Variants in TSTD2 observed in about 807,000 individuals in gnomAD.
The protein encoded by TSTD2 is thiosulfate sulfurtransferase/rhodanese-like domain-containing protein 2.
Under a neutral mutation model 47.9 loss-of-function variants are expected in TSTD2, and 37 were observed. The observed-to-expected ratio is 0.77, with a 90% CI of 0.59 to 1.02. The LOEUF is 1.02. Ranked by LOEUF, TSTD2 falls within the 50% of genes least tolerant of loss-of-function variation. TSTD2 has a pLI of 0.00. For synonymous variants in TSTD2, 201 were observed against 215.9 expected (o/e 0.93, Z 0.61); for missense variants, 586 against 616.0 (o/e 0.95, Z 0.52).
At chr9:97,625,382 G>A (rs1040554290) in intron 3 of TSTD2, among the ~76,000 whole-genome samples, 1 of 152,138 alleles carries the variant, frequency 6.6e-6, no homozygotes, top group South Asian at 2.1e-4. Flanking sequence ...AAACTGCTAT[G>A]AGCATTCTTG....
chr9:97,601,676 C>A lies in TSTD2; in HGVS notation c.*793G>T. ...CATAGTGTCTGTTGCAACTATTCAA[C>A]TCTGCCATAGATCATGTGTAAAGGA... On this transcript the variant is annotated 3_prime_UTR_variant, in exon 10 of 10. Coordinates refer to ENST00000341170, the MANE Select transcript of TSTD2 (RefSeq NM_139246.5). 1.5e-6 allele frequency: 1 copy of A among 655,952 alleles called. No individual in the cohort carries two copies. Among genetic ancestry groups the A allele is most frequent in the Non-Finnish European group, 1.9e-6 (1 of 528,380 alleles). The allele number at this position is 655,952 out of a possible 1,614,324, so 40.6% of individuals were successfully genotyped here. A position where few individuals can be genotyped will look rare whatever the true frequency, so the allele number is the denominator to read the frequency against.
chr9:97,621,415 C>T (rs967636997), intron 3 of TSTD2, among the ~76,000 whole-genome samples: 1 of 152,168 alleles, frequency 6.6e-6, no homozygotes, highest in African/African-American at 2.4e-5. Flanking sequence ...AACATGGTAA[C>T]AGCCATGTTC....
At chr9:97,627,281 G>C (rs753088972) in intron 2 of TSTD2, 117 bp downstream of exon 2, 180 of 1,435,206 alleles carry the variant, frequency 1.3e-4, no homozygotes, top group Non-Finnish European at 1.6e-4. Context: ...AACATCACTG[G>C]TTAATGTTCC....
At chr9:97,605,682 C>T (rs1371022430) in intron 7 of TSTD2, 41 bp from the exon 8 acceptor site, 1 of 1,613,242 alleles carries the variant, frequency 6.2e-7, no homozygotes, top group African/African-American at 1.3e-5. Flanking sequence ...ATCAGAAAAA[C>T]ATACCTGGTA....
Position 97,601,024 on chromosome 9 carries a change from G to A in TSTD2, c.*1445C>T, listed in dbSNP as rs1826245458. 7.7e-7 allele frequency: 1 copy of A among 1,297,412 alleles called. No homozygotes were observed. Among genetic ancestry groups the A allele is most frequent in the African/African-American group, 1.5e-5 (1 of 65,794 alleles). The allele number at this position is 1,297,412 out of a possible 1,614,324, so 80.4% of individuals were successfully genotyped here. ...GAGCAGAGAGGCTGGTGATGAAAAGGTGAAGGCCTGCGCACTGAACTGTAA... is the reference window on the plus strand; with the variant it reads ...GAGCAGAGAGGCTGGTGATGAAAAGATGAAGGCCTGCGCACTGAACTGTAA... On this transcript the variant is annotated 3_prime_UTR_variant, in exon 10 of 10. Coordinates refer to ENST00000341170, the MANE Select transcript of TSTD2 (RefSeq NM_139246.5).
intron 5 of TSTD2, 28 bp from the exon 6 acceptor site, chr9:97,610,479 C>G: frequency 6.7e-7 from 1 of 1,490,498 alleles, no homozygotes; most frequent in Non-Finnish European, 9.0e-7. Context: ...AAACAGAATA[C>G]AGTCTTGCTG....
At chr9:97,622,405 G>A (rs1401553343) in intron 3 of TSTD2, among the ~76,000 whole-genome samples, 1 of 152,236 alleles carries the variant, frequency 6.6e-6, no homozygotes, top group Non-Finnish European at 1.5e-5. Context: ...GGATGCCCAG[G>A]CAGAAGTTTG....
In TSTD2 at chr9:97,600,912, TTTTG is replaced by T; in HGVS notation, c.*1553_*1556del. 4 of 1,157,376 alleles carry T rather than the reference TTTTG, an allele frequency of 3.5e-6. No individual in the cohort carries two copies. The South Asian group carries it at 5.3e-5, about 15-fold the overall frequency. 71.7% of individuals were successfully genotyped at this position (1,157,376 alleles called of 1,614,324 possible). A position where few individuals can be genotyped will look rare whatever the true frequency, so the allele number is the denominator to read the frequency against. ...ACCACAGTGCCAGTTAAACTAATAT[TTTTG>T]TTTGTTGCTTTTGGGAGTTATTTTC... On this transcript the variant is annotated 3_prime_UTR_variant, in exon 10 of 10. Coordinates refer to ENST00000341170, the MANE Select transcript of TSTD2 (RefSeq NM_139246.5).
intron 4 of TSTD2, among the ~76,000 whole-genome samples, chr9:97,613,779 T>G (rs1826495361): frequency 6.6e-6 from 1 of 152,130 alleles, no homozygotes; most frequent in African/African-American, 2.4e-5. Flanking sequence ...GCTGTCCTTT[T>G]TTAGGGTCCA....
At chr9:97,617,714 A>C (rs1035573167) in intron 4 of TSTD2, 43 bp downstream of exon 4, 1 of 1,572,072 alleles carries the variant, frequency 6.4e-7, no homozygotes, top group African/African-American at 1.4e-5. Flanking sequence ...GTTGGCAGGC[A>C]AGATGGACCC....
chr9:97,605,662 A>C, intron 7 of TSTD2, 21 bp from the exon 8 acceptor site: 2 of 1,613,958 alleles, frequency 1.2e-6, no homozygotes, highest in East Asian at 2.2e-5. Context: ...GGAGCAACAA[A>C]AGGAAAATTA....
At chr9:97,617,330 T>C (rs554949990) in intron 4 of TSTD2, among the ~76,000 whole-genome samples, 2 of 152,188 alleles carry the variant, frequency 1.3e-5, no homozygotes, top group Non-Finnish European at 2.9e-5. Context: ...GAATCACACC[T>C]CTATGTTCTA....
rs1446367969 is a variant in TSTD2 at position 97,600,344 on chromosome 9, A to G, written c.*2125T>C. Reference sequence around the variant, plus strand: ...GGAAAAAAACCAATGGTGAAATTTCAAGTTTCAAAAACCAACCTTTCATTA... The same window carrying G: ...GGAAAAAAACCAATGGTGAAATTTCGAGTTTCAAAAACCAACCTTTCATTA... On this transcript the variant is annotated 3_prime_UTR_variant, in exon 10 of 10. Coordinates refer to ENST00000341170, the MANE Select transcript of TSTD2 (RefSeq NM_139246.5). 8 of 986,176 alleles carry G rather than the reference A, an allele frequency of 8.1e-6. No homozygotes were observed. The highest frequency in any genetic ancestry group is 7.2e-6 in the Non-Finnish European group (6 of 830,206). 61.1% of individuals were successfully genotyped at this position (986,176 alleles called of 1,614,324 possible). A position where few individuals can be genotyped will look rare whatever the true frequency, so the allele number is the denominator to read the frequency against.
chr9:97,614,642 C>T (rs369889299), intron 4 of TSTD2, among the ~76,000 whole-genome samples: 59 of 152,160 alleles, frequency 3.9e-4, no homozygotes, highest in South Asian at 3.5e-3. Flanking sequence ...GTGGGGTATG[C>T]GCCATGTGAA....
At chr9:97,610,510 C>A in intron 5 of TSTD2, 59 bp from the exon 6 acceptor site, 1 of 1,270,968 alleles carries the variant, frequency 7.9e-7, no homozygotes. Context: ...AGGTATAAGA[C>A]AAGTGCCAAT....
intron 4 of TSTD2, among the ~76,000 whole-genome samples, chr9:97,613,474 G>A (rs1826491332): frequency 6.6e-6 from 1 of 152,012 alleles, no homozygotes; most frequent in East Asian, 1.9e-4. Context: ...TCTTTGAAAT[G>A]CTCCCCTGGT....
In TSTD2 at chr9:97,600,103, C is replaced by CT; in HGVS notation, c.*2365dup. On this transcript the variant is annotated 3_prime_UTR_variant, in exon 10 of 10. Coordinates refer to ENST00000341170, the MANE Select transcript of TSTD2 (RefSeq NM_139246.5). The stretch of plus-strand genomic sequence containing the variant: ...CATGCTTTTGAAGTATTATAAAACA[C>CT]TTTATTACAAATTTGTCTTAGCTAT... 9.9e-7 allele frequency: 1 copy of CT among 1,008,068 alleles called. No homozygotes were observed. The highest frequency in any genetic ancestry group is 9.2e-5 in the East Asian group (1 of 10,922). 62.4% of individuals were successfully genotyped at this position (1,008,068 alleles called of 1,614,324 possible).
chr9:97,622,089 C>A (rs1345593182), intron 3 of TSTD2, among the ~76,000 whole-genome samples: 2 of 152,022 alleles, frequency 1.3e-5, no homozygotes, highest in East Asian at 3.9e-4. Context: ...TAGAAAAGAA[C>A]CTACGTTGAC....
rs775865630 is a variant in TSTD2, at chr9:97,605,568, A to G, written c.1028T>C (p.Leu343Pro). ...SYFPSYVDKN[L>P]ELFREKRVLM... ...CACTCTCTTCTCTCTGAAAAGTTCT[A>G]GATTTTTGTCAACGTAGCTAGGGAA... The change falls in exon 8 of 10, where the codon CTA (leucine) becomes CCA (proline). Residue 343 changes from leucine to proline, a missense_variant. By Grantham distance (98) the Leu-to-Pro change is moderately conservative (BLOSUM62 -3). Coordinates refer to ENST00000341170, the MANE Select transcript of TSTD2 (RefSeq NM_139246.5). 27 of 1,614,110 alleles carry G rather than the reference A, an allele frequency of 1.7e-5. No individual in the cohort carries two copies. Among genetic ancestry groups the G allele is most frequent in the Non-Finnish European group, 8.5e-7 (1 of 1,180,052 alleles).
Sources: allele counts gnomAD v4.1 joint callset (sites outside exome capture counted in the v4.1 genomes callset), GRCh38; gene constraint gnomAD v4.1.1; transcripts MANE v1.5; gene names NCBI Gene and HGNC (gene_info 2026-07-23, HGNC 2026-07-21).